Variants in KLHL14 observed in about 807,000 individuals in gnomAD.
KLHL14 encodes the protein kelch like family member 14.
In KLHL14, 22 loss-of-function variants were observed where a neutral mutation model predicts 64.3. The ratio of observed to expected loss-of-function variants is 0.34; its 90% CI spans 0.24 to 0.49. The LOEUF is 0.49. KLHL14 is among the 20% of genes least tolerant of loss of function. The pLI, the probability that KLHL14 is intolerant of heterozygous loss-of-function variation, is 0.99. For missense variants in KLHL14, 661 were observed against 789.0 expected (o/e 0.84, Z 1.94); for synonymous variants, 322 against 333.4 (o/e 0.97, Z 0.37).
chr18:32,680,691 AAG>A lies in KLHL14; in HGVS notation c.1239-94_1239-93del. The A allele has an allele frequency of 7.9e-7, 1 of 1,261,102 alleles. No individual in the cohort carries two copies. The highest frequency in any genetic ancestry group is 1.1e-6 in the Non-Finnish European group (1 of 915,724). The allele number at this position is 1,261,102 out of a possible 1,614,324, so 78.1% of individuals were successfully genotyped here. On this transcript the variant is annotated intron_variant, in intron 5 of 8. Transcript: ENST00000359358. The surrounding 1 kb of genome is among the most constrained non-coding windows in gnomAD (Gnocchi z 4.8). Reference sequence around the variant, plus strand: ...TAAGCACCACACAGCTAGTCAGGGAAAGGGGTGCATTCTGCTTCAGAAAGGGT... The same window carrying A: ...TAAGCACCACACAGCTAGTCAGGGAAGGGTGCATTCTGCTTCAGAAAGGGT...
At chr18:32,679,116 T>C (rs1325999117) in intron 7 of KLHL14, among the ~76,000 whole-genome samples, 2 of 152,082 alleles carry the variant, frequency 1.3e-5, no homozygotes, top group Non-Finnish European at 2.9e-5. Context: ...GGAGAGCACT[T>C]AAGCTGAGCA....
In KLHL14 at chr18:32,675,822, A is replaced by G. The variant is rs77309679; in HGVS notation, c.1747-1025T>C. 7.4e-3 allele frequency among the ~76,000 whole-genome samples: 1,131 copies of G among 152,320 alleles called. 16 individuals are homozygous for G. Among genetic ancestry groups the G allele is most frequent in the African/African-American group, 0.026 (1,083 of 41,568 alleles). Reference sequence around the variant, plus strand: ...TGCAGCTAACAATTTGTACAAGCAAACAAGTGCACATATGAATATCTAGTT... The same window carrying G: ...TGCAGCTAACAATTTGTACAAGCAAGCAAGTGCACATATGAATATCTAGTT... On this transcript the variant is annotated intron_variant, in intron 8 of 8. Transcript: ENST00000359358.
At position 32,673,047 on chromosome 18, in the gene KLHL14, T is replaced by TC. The variant is rs11369555; in HGVS notation, c.*1609_*1610insG. 48,822 of 152,314 alleles carry TC rather than the reference T, an allele frequency of 0.32. 8,722 individuals are homozygous for TC. Among genetic ancestry groups the TC allele is most frequent in the African/African-American group, 0.49 (20,442 of 41,410 alleles). The allele number at this position is 152,314 out of a possible 1,614,324, so 9.4% of individuals were successfully genotyped here. Reference sequence around the variant, plus strand: ...TTTCTTTCTATATACTCATATGTTTTAAGGAAAAAGAAATGACAGTTGATT... The same window carrying TC: ...TTTCTTTCTATATACTCATATGTTTTCAAGGAAAAAGAAATGACAGTTGATT... On this transcript the variant is annotated 3_prime_UTR_variant, in exon 9 of 9. Coordinates refer to ENST00000359358, the MANE Select transcript of KLHL14 (RefSeq NM_020805.3).
intron 2 of KLHL14, among the ~76,000 whole-genome samples, chr18:32,756,623 G>A (rs2050283489): frequency 6.6e-6 from 1 of 151,982 alleles, no homozygotes; most frequent in Admixed American, 6.6e-5. Flanking sequence ...ACTTGCTGTT[G>A]GTTTCATTTG....
At chr18:32,685,517 T>A (rs1211408234) in intron 5 of KLHL14, among the ~76,000 whole-genome samples, 1 of 152,186 alleles carries the variant, frequency 6.6e-6, no homozygotes, top group Non-Finnish European at 1.5e-5. Context: ...GGCAAAGTGA[T>A]GCAGCTGTAA....
intron 3 of KLHL14, among the ~76,000 whole-genome samples, chr18:32,713,292 G>C (rs1416875925): frequency 6.6e-6 from 1 of 152,050 alleles, no homozygotes; most frequent in Non-Finnish European, 1.5e-5. Flanking sequence ...CAACTTACCA[G>C]TGCCCCCAAA....
intron 3 of KLHL14, among the ~76,000 whole-genome samples, chr18:32,712,340 A>G (rs570394333): frequency 2.0e-5 from 3 of 152,346 alleles, no homozygotes; most frequent in East Asian, 3.9e-4. Flanking sequence ...AAATATAAAC[A>G]TTTAGAAAAG....
intron 7 of KLHL14, 49 bp from the exon 8 acceptor site, chr18:32,677,379 C>T: frequency 1.3e-6 from 2 of 1,526,524 alleles, no homozygotes. Flanking sequence ...TGCTCAGGGT[C>T]CCAATTTAAG....
chr18:32,749,881 G>A (rs982046833), intron 2 of KLHL14, among the ~76,000 whole-genome samples: 4 of 152,098 alleles, frequency 2.6e-5, no homozygotes, highest in Admixed American at 6.5e-5. Flanking sequence ...TTCAGGCTGC[G>A]ATAACAAAAA....
chr18:32,740,857 G>A (rs997276140), intron 3 of KLHL14: 1 of 152,164 alleles, frequency 6.6e-6, no homozygotes, highest in Non-Finnish European at 1.5e-5. Flanking sequence ...TTCACTGGGG[G>A]ATGCCAGCTC....
chr18:32,707,705 C>T (rs754460341), intron 3 of KLHL14, among the ~76,000 whole-genome samples: 4 of 152,096 alleles, frequency 2.6e-5, no homozygotes, highest in Non-Finnish European at 5.9e-5. Flanking sequence ...TGTCACCATT[C>T]GATGCTGGAA....
At chr18:32,705,649 T>G (rs1041792121) in intron 3 of KLHL14, among the ~76,000 whole-genome samples, 4 of 151,858 alleles carry the variant, frequency 2.6e-5, no homozygotes, top group African/African-American at 9.7e-5. Context: ...CTTGAACCTG[T>G]GAGGTGGAGG....
chr18:32,697,585 T>TA (rs1014223251), intron 3 of KLHL14, among the ~76,000 whole-genome samples: 7 of 152,028 alleles, frequency 4.6e-5, no homozygotes, highest in Admixed American at 1.3e-4. Flanking sequence ...TATCTTTTTT[T>TA]AAAAAAAACA....
intron 7 of KLHL14, among the ~76,000 whole-genome samples, chr18:32,679,846 TAAG>T (rs1250248009): frequency 2.0e-5 from 3 of 152,160 alleles, no homozygotes; most frequent in Admixed American, 6.6e-5. Flanking sequence ...ACTTTGGTGA[TAAG>T]AAATAATTTA....
At chr18:32,690,619 C>T (rs1270461559) in intron 4 of KLHL14, among the ~76,000 whole-genome samples, 2 of 152,120 alleles carry the variant, frequency 1.3e-5, no homozygotes, top group African/African-American at 4.8e-5. Context: ...ATCCCAGCTA[C>T]TTGGGAAGCT....
At chr18:32,718,586 A>G (rs1239903832) in intron 3 of KLHL14, among the ~76,000 whole-genome samples, 1 of 152,188 alleles carries the variant, frequency 6.6e-6, no homozygotes, top group Non-Finnish European at 1.5e-5. Flanking sequence ...ACCAAGAAAC[A>G]GATTAGGATG....
intron 3 of KLHL14, among the ~76,000 whole-genome samples, chr18:32,703,353 A>ACTTAT (rs1333137772): frequency 1.3e-5 from 2 of 152,200 alleles, no homozygotes; most frequent in Non-Finnish European, 2.9e-5. Context: ...GGTGGAAAAG[A>ACTTAT]TTGTGATGGA....
intron 3 of KLHL14, among the ~76,000 whole-genome samples, chr18:32,709,142 C>T (rs1461930716): frequency 6.6e-6 from 1 of 152,218 alleles, no homozygotes; most frequent in Non-Finnish European, 1.5e-5. Flanking sequence ...GATCACACGG[C>T]CTGGCCCTGG....
chr18:32,763,763 C>T (rs761457825), intron 2 of KLHL14, among the ~76,000 whole-genome samples: 4 of 152,180 alleles, frequency 2.6e-5, no homozygotes, highest in Non-Finnish European at 4.4e-5. Flanking sequence ...ACTGCACCAA[C>T]CTTAAGTGTC....
Sources: allele counts gnomAD v4.1 joint callset (sites outside exome capture counted in the v4.1 genomes callset), GRCh38; gene constraint gnomAD v4.1.1; non-coding constraint Gnocchi (gnomAD v3.1); transcripts MANE v1.5; gene names NCBI Gene and HGNC (gene_info 2026-07-23, HGNC 2026-07-21).